The following CCDC171 variants were observed in gnomAD, a reference collection of about 807,000 sequenced individuals.
The protein encoded by CCDC171 is coiled-coil domain-containing protein 171.
A neutral mutation model predicts 168.2 loss-of-function variants in CCDC171; 177 were observed. That is an observed-to-expected ratio of 1.05 (90% confidence interval 0.93 to 1.19). CCDC171 has a LOEUF of 1.19. Among genes scored for constraint, CCDC171 ranks in the 50% most tolerant of loss-of-function variants. The pLI is 0.00. For missense variants in CCDC171, 1,991 were observed against 1,539.0 expected, an observed-to-expected ratio of 1.29 and a Z score of -4.91; for synonymous variants, 687 against 540.8, an observed-to-expected ratio of 1.27 and a Z score of -3.75.
At chr9:15,992,698 T>C (rs1470774866) in intron 3 of CCDC171, among the ~76,000 whole-genome samples, 1 of 152,164 alleles carries the variant, frequency 6.6e-6, no homozygotes, top group Non-Finnish European at 1.5e-5. Context: ...GAAAACCCCA[T>C]TGTCTCAGTC....
intron 25 of CCDC171, among the ~76,000 whole-genome samples, chr9:15,965,697 A>AAGAGGAGCTTCTC (rs57983659): frequency 6.6e-6 from 1 of 151,968 alleles, no homozygotes; most frequent in South Asian, 2.1e-4. Context: ...AGAAGGGAAG[A>AAGAGGAGCTTCTC]TATGCTACAC....
intron 21 of CCDC171, among the ~76,000 whole-genome samples, chr9:15,792,411 C>T (rs899444813): frequency 1.3e-5 from 2 of 152,090 alleles, no homozygotes; most frequent in Admixed American, 6.6e-5. Flanking sequence ...AGGATATTAT[C>T]CAGGAGAACT....
chr9:15,580,554 C>G (rs780069763), intron 4 of CCDC171, among the ~76,000 whole-genome samples: 2 of 151,884 alleles, frequency 1.3e-5, no homozygotes, highest in Non-Finnish European at 2.9e-5. Context: ...ATAATCCCAT[C>G]AAAAACTGGG....
chr9:15,800,190 A>C (rs1473441569), intron 21 of CCDC171, among the ~76,000 whole-genome samples: 1 of 152,080 alleles, frequency 6.6e-6, no homozygotes, highest in African/African-American at 2.4e-5. Context: ...AGGAGCCTCC[A>C]AACTGTTCTC....
chr9:15,575,881 C>A (rs189190662), intron 3 of CCDC171, among the ~76,000 whole-genome samples: 2 of 152,218 alleles, frequency 1.3e-5, no homozygotes, highest in Admixed American at 6.5e-5. Context: ...CACTTGAGGT[C>A]GGGAGTTTGA....
intron 25 of CCDC171, among the ~76,000 whole-genome samples, chr9:15,948,069 T>G: frequency 6.6e-6 from 1 of 150,946 alleles, no homozygotes; most frequent in Non-Finnish European, 1.5e-5. Flanking sequence ...AGTGAGAATA[T>G]GTGGTGTTTG....
chr9:15,804,072 A>G (rs557575590), intron 21 of CCDC171, among the ~76,000 whole-genome samples: 1 of 152,214 alleles, frequency 6.6e-6, no homozygotes, highest in African/African-American at 2.4e-5. Context: ...ATTTTTGCAC[A>G]TTGATTTTGT....
chr9:15,848,802 T>C (rs2061006473), intron 22 of CCDC171, 91 bp from the exon 23 acceptor site: 1 of 644,836 alleles, frequency 1.6e-6, no homozygotes, highest in Non-Finnish European at 2.7e-6. Flanking sequence ...ATCAGACCCT[T>C]ATTTTTTAAT....
At chr9:15,757,306 G>A (rs1361856224) in intron 18 of CCDC171, among the ~76,000 whole-genome samples, 1 of 152,178 alleles carries the variant, frequency 6.6e-6, no homozygotes, top group African/African-American at 2.4e-5. Flanking sequence ...TGAGGAACTT[G>A]TAGGGTATTG....
chr9:15,910,034 A>G (rs1474761654), intron 24 of CCDC171, among the ~76,000 whole-genome samples: 2 of 152,154 alleles, frequency 1.3e-5, no homozygotes, highest in Admixed American at 6.6e-5. Context: ...GCTCCCACTT[A>G]TAAGTGAGAA....
At chr9:15,589,757 A>G (rs759008608) in intron 4 of CCDC171, among the ~76,000 whole-genome samples, 67 of 152,346 alleles carry the variant, frequency 4.4e-4, no homozygotes, top group Middle Eastern at 3.4e-3. Flanking sequence ...ATGTCCCTAG[A>G]AGCACTGGAA....
chr9:15,983,298 G>C (rs1218642767), intron 3 of CCDC171, among the ~76,000 whole-genome samples: 1 of 151,908 alleles, frequency 6.6e-6, no homozygotes, highest in Admixed American at 6.6e-5. Flanking sequence ...TAGTTGACAA[G>C]TACATGGGAG....
chr9:15,916,826 A>C lies in CCDC171; in HGVS notation c.3601-3444A>C, dbSNP rs546173411. The stretch of plus-strand genomic sequence containing the variant: ...ACACTATAGATTATCCCTTAAACAA[A>C]GGCTATTCTTGTTCAGAAACTGTCT... On this transcript the variant is annotated intron_variant, in intron 24 of 25. Transcript: ENST00000380701. 2.0e-5 allele frequency among the ~76,000 whole-genome samples: 3 copies of C among 152,122 alleles called. No homozygotes were observed. In the East Asian group the frequency reaches 5.8e-4, roughly 29 times the overall value.
At chr9:15,957,172 G>C (rs928877166) in intron 25 of CCDC171, among the ~76,000 whole-genome samples, 1 of 152,034 alleles carries the variant, frequency 6.6e-6, no homozygotes, top group African/African-American at 2.4e-5. Context: ...ACATCTTGCT[G>C]TGTGTGAGCA....
At chr9:15,602,662 T>C (rs1181044993) in intron 6 of CCDC171, among the ~76,000 whole-genome samples, 1 of 40,332 alleles carries the variant, frequency 2.5e-5, no homozygotes, top group Non-Finnish European at 5.0e-5. Context: ...TTTTTTTTTT[T>C]TTTTTTTTTT....
chr9:15,764,176 G>A lies in CCDC171; in HGVS notation c.2672-13424G>A, dbSNP rs1490630711. 4.6e-5 allele frequency among the ~76,000 whole-genome samples: 7 copies of A among 152,150 alleles called. 1 individual carries two copies. Among genetic ancestry groups the A allele is most frequent in the Admixed American group, 1.3e-4 (2 of 15,278 alleles). On this transcript the variant is annotated intron_variant, in intron 18 of 25. Transcript: ENST00000380701. ...GATGTCAGAGAGATAGCAAGGGCAG[G>A]GTTAACACCTGCACCCACATTATGC...
At chr9:15,577,673 T>G (rs116466471) in intron 3 of CCDC171, among the ~76,000 whole-genome samples, 1,667 of 152,338 alleles carry the variant, frequency 0.011, 30 homozygotes, top group African/African-American at 0.037. Context: ...TAGCGGGTAT[T>G]GGTTACACAG....
chr9:16,057,178 T>C (rs1183042755), intron 1 of CCDC171, among the ~76,000 whole-genome samples: 1 of 152,210 alleles, frequency 6.6e-6, no homozygotes, highest in African/African-American at 2.4e-5. Flanking sequence ...ATGTGAGTAA[T>C]GTTTTTTGAG....
At chr9:15,806,799 C>A (rs922283848) in intron 21 of CCDC171, among the ~76,000 whole-genome samples, 1 of 152,122 alleles carries the variant, frequency 6.6e-6, no homozygotes, top group African/African-American at 2.4e-5. Context: ...TTTTCATTGA[C>A]AATATCTTGA....
Sources: gnomAD v4.1 joint callset for allele counts (sites outside exome capture counted in the v4.1 genomes callset) on GRCh38, gnomAD v4.1.1 for gene constraint, MANE v1.5 for transcripts, NCBI Gene and HGNC (gene_info 2026-07-23, HGNC 2026-07-21) for gene names.